Variants in MXRA7 observed in about 807,000 individuals in gnomAD.
The protein encoded by MXRA7 is matrix-remodeling-associated protein 7.
Under a neutral mutation model 17.4 loss-of-function variants are expected in MXRA7, and 18 were observed. The observed-to-expected ratio is 1.03, with a 90% CI of 0.71 to 1.53. The LOEUF (loss-of-function observed/expected upper bound fraction) is 1.53, where lower values mean the gene tolerates loss of function less well. Among genes scored for constraint, MXRA7 ranks in the 40% most tolerant of loss-of-function variants. MXRA7 has a pLI of 0.00. For missense variants in MXRA7, 141 were observed against 209.3 expected, an observed-to-expected ratio of 0.67 and a Z score of 2.01; for synonymous variants, 70 against 101.7, an observed-to-expected ratio of 0.69 and a Z score of 1.87.
rs375157588 is a variant in MXRA7, at chr17:76,685,178, G to T, written c.407-13C>A. 2.6e-5 allele frequency: 42 copies of T among 1,605,262 alleles called. 1 individual carries two copies. The highest frequency in any genetic ancestry group is 1.5e-4 in the South Asian group (14 of 90,916). ...GAGAAGCCTTCTCCTGTGGAGGGGG[G>T]ACCCAGTAAGTGCCAGGAGTGCTGT... On this transcript the variant is annotated splice_polypyrimidine_tract_variant and intron_variant, in intron 2 of 3. Coordinates refer to ENST00000449428, the MANE Select transcript of MXRA7 (RefSeq NM_198530.4).
intron 3 of MXRA7, among the ~76,000 whole-genome samples, chr17:76,684,113 C>G (rs1018602745): frequency 2.0e-5 from 3 of 151,938 alleles, no homozygotes; most frequent in African/African-American, 7.3e-5. Flanking sequence ...GGAGGGGAGA[C>G]AGGGCCTGTC....
At chr17:76,673,429 A>T (rs541505725) in exon 4 of MXRA7, 140 of 152,368 alleles carry the variant, frequency 9.2e-4, no homozygotes, top group African/African-American at 3.1e-3. Flanking sequence ...TATGATTCAG[A>T]GGCAGCCTCT....
downstream of MXRA7, chr17:76,679,547 A>G: frequency 1.0e-6 from 1 of 963,518 alleles, no homozygotes; most frequent in African/African-American, 1.8e-5. Flanking sequence ...AAAACAAAGC[A>G]AACTGAAAAA....
intron 1 of MXRA7, among the ~76,000 whole-genome samples, chr17:76,691,443 G>A (rs1004369634): frequency 2.0e-5 from 3 of 152,214 alleles, no homozygotes; most frequent in African/African-American, 7.2e-5. Flanking sequence ...GGGGTTCATG[G>A]AACCCTTGAT....
chr17:76,704,291 C>T lies in MXRA7; in HGVS notation c.342+6314G>A, dbSNP rs569924617. On this transcript the variant is annotated intron_variant, in intron 1 of 3. Coordinates refer to ENST00000449428, the MANE Select transcript of MXRA7 (RefSeq NM_198530.4). ...TGCGATCTCAGCTCACTGCAAGCTC[C>T]ACCTCCCGGGTTCACGCCATCCTCC... 1.5e-3 allele frequency among the ~76,000 whole-genome samples: 219 copies of T among 142,234 alleles called. 2 individuals are homozygous for T. Among genetic ancestry groups the T allele is most frequent in the Non-Finnish European group, 2.4e-3 (159 of 65,008 alleles). 93.3% of individuals were successfully genotyped at this position (142,234 alleles called of 152,430 possible). A position where few individuals can be genotyped will look rare whatever the true frequency, so the allele number is the denominator to read the frequency against.
chr17:76,702,543 T>C (rs914590223), intron 1 of MXRA7, among the ~76,000 whole-genome samples: 2 of 151,678 alleles, frequency 1.3e-5, no homozygotes, highest in Non-Finnish European at 2.9e-5. Context: ...AGAAGACAAG[T>C]GGTCAGTTTT....
At chr17:76,699,841 G>C (rs1315713792) in intron 1 of MXRA7, among the ~76,000 whole-genome samples, 1 of 152,190 alleles carries the variant, frequency 6.6e-6, no homozygotes, top group Non-Finnish European at 1.5e-5. Flanking sequence ...AAGGAGGAGG[G>C]GACAGAGTAA....
At chr17:76,682,203 G>C (rs1431934193) in intron 3 of MXRA7, among the ~76,000 whole-genome samples, 1 of 152,170 alleles carries the variant, frequency 6.6e-6, no homozygotes, top group Non-Finnish European at 1.5e-5. Flanking sequence ...GAAGCTCCTG[G>C]GGAGTGCTGG....
In MXRA7 at chr17:76,683,941, G is replaced by A. The variant is rs779006499; in HGVS notation, c.500+1131C>T. On this transcript the variant is annotated intron_variant, in intron 3 of 3. Transcript: ENST00000449428. ...GTCAGCTCAATCCTGAAATATAAAT[G>A]CAGCAAACCTGGTCATGCCAAGCGG... is the stretch of plus-strand genomic sequence containing the variant. 1.7e-5 allele frequency: 28 copies of A among 1,608,326 alleles called. No individual in the cohort carries two copies. The East Asian group carries it at 5.6e-4, about 32-fold the overall frequency.
At chr17:76,695,143 A>C (rs528860744) in intron 1 of MXRA7, among the ~76,000 whole-genome samples, 120 of 152,256 alleles carry the variant, frequency 7.9e-4, no homozygotes, top group Admixed American at 2.9e-3. Flanking sequence ...CTGGGCAACA[A>C]GAGCGAAACT....
chr17:76,698,079 G>A (rs1359034198), intron 1 of MXRA7, among the ~76,000 whole-genome samples: 2 of 152,188 alleles, frequency 1.3e-5, no homozygotes, highest in African/African-American at 4.8e-5. Flanking sequence ...CACCAGAGCT[G>A]CCGCATGCTG....
At chr17:76,688,757 T>A in intron 1 of MXRA7, 1 of 1,049,044 alleles carries the variant, frequency 9.5e-7, no homozygotes, top group Non-Finnish European at 1.2e-6. Context: ...AAGGAAGAAG[T>A]GACTTCAGCT....
intron 1 of MXRA7, among the ~76,000 whole-genome samples, chr17:76,699,012 C>T (rs533632620): frequency 7.9e-5 from 12 of 152,012 alleles, no homozygotes; most frequent in Non-Finnish European, 1.2e-4. Flanking sequence ...TGAGTCACCG[C>T]GCCCAGCCCT....
intron 3 of MXRA7, chr17:76,684,788 T>TGGG: frequency 5.2e-6 from 1 of 192,618 alleles, no homozygotes; most frequent in Non-Finnish European, 8.4e-6. Context: ...CAGTGGGGTG[T>TGGG]GGAGGGGGTG....
intron 1 of MXRA7, among the ~76,000 whole-genome samples, chr17:76,699,299 C>A (rs117468110): frequency 0.011 from 1,722 of 152,258 alleles, 21 homozygotes; most frequent in Non-Finnish European, 0.019. Context: ...GAGTGTGCCA[C>A]AACACCCAGC....
intron 1 of MXRA7, among the ~76,000 whole-genome samples, chr17:76,692,858 A>G (rs1375958151): frequency 2.0e-5 from 3 of 152,182 alleles, no homozygotes; most frequent in Non-Finnish European, 4.4e-5. Context: ...ACTGTTGGTC[A>G]GTGACGGGAA....
intron 1 of MXRA7, among the ~76,000 whole-genome samples, chr17:76,701,757 C>T (rs973353472): frequency 3.5e-4 from 53 of 152,102 alleles, no homozygotes; most frequent in African/African-American, 1.2e-3. Flanking sequence ...AACCCCTGCC[C>T]AGGGCCGACT....
intron 1 of MXRA7, among the ~76,000 whole-genome samples, chr17:76,698,867 T>C (rs1440773703): frequency 6.6e-6 from 1 of 151,856 alleles, no homozygotes; most frequent in Non-Finnish European, 1.5e-5. Flanking sequence ...GAATTACATG[T>C]GCATGCCAGC....
Position 76,681,230 on chromosome 17 carries a change from C to A in MXRA7, c.501-351G>T, listed in dbSNP as rs1239540842. On this transcript the variant is annotated intron_variant, in intron 3 of 3. Transcript: ENST00000449428. The surrounding 1 kb of genome is among the most constrained non-coding windows in gnomAD (Gnocchi z 4.7). The stretch of plus-strand genomic sequence containing the variant: ...GTTGTGTGGTTGTGCTGACAATATT[C>A]CTATCACCCTAGATAATTTCCCATT... Among the ~76,000 whole-genome samples, 3 of 152,168 alleles carry A rather than the reference C, an allele frequency of 2.0e-5. No individual in the cohort carries two copies. The highest frequency in any genetic ancestry group is 7.2e-5 in the African/African-American group (3 of 41,450).
Sources: allele counts gnomAD v4.1 joint callset (sites outside exome capture counted in the v4.1 genomes callset), GRCh38; gene constraint gnomAD v4.1.1; non-coding constraint Gnocchi (gnomAD v3.1); transcripts MANE v1.5; gene names NCBI Gene and HGNC (gene_info 2026-07-23, HGNC 2026-07-21).